AGBL4: variants seen among roughly 807,000 people sequenced by gnomAD.
The protein encoded by AGBL4 is cytosolic carboxypeptidase 6.
Under a neutral mutation model 66.4 loss-of-function variants are expected in AGBL4, and 58 were observed. The observed-to-expected ratio is 0.87, with a 90% CI of 0.71 to 1.09. The LOEUF (loss-of-function observed/expected upper bound fraction) is 1.09, where lower values mean the gene tolerates loss of function less well. Ranked by LOEUF, AGBL4 falls within the 50% of genes least tolerant of loss-of-function variation. AGBL4 has a pLI of 0.00. For synonymous variants in AGBL4, 234 were observed against 222.9 expected (o/e 1.05, Z -0.44); for missense variants, 579 against 631.0 (o/e 0.92, Z 0.88).
At chr1:49,706,510 C>T (rs893436931) in intron 2 of AGBL4, among the ~76,000 whole-genome samples, 1 of 152,072 alleles carries the variant, frequency 6.6e-6, no homozygotes, top group Non-Finnish European at 1.5e-5. Flanking sequence ...CTACTACATT[C>T]ATTGATTTTT....
At chr1:49,177,552 G>T (rs1217259934) in intron 4 of AGBL4, among the ~76,000 whole-genome samples, 1 of 152,160 alleles carries the variant, frequency 6.6e-6, no homozygotes, top group Admixed American at 6.5e-5. Context: ...TATTGAAACA[G>T]TAAACCTGAG....
intron 3 of AGBL4, among the ~76,000 whole-genome samples, chr1:49,549,145 G>A (rs572720002): frequency 1.3e-4 from 19 of 151,758 alleles, no homozygotes; most frequent in South Asian, 1.2e-3. Flanking sequence ...GTAATATCCC[G>A]TTTCTTTTCT....
intron 6 of AGBL4, among the ~76,000 whole-genome samples, chr1:48,767,560 A>T (rs1201170737): frequency 6.6e-6 from 1 of 152,200 alleles, no homozygotes; most frequent in African/African-American, 2.4e-5. Flanking sequence ...ATGAAGGTGA[A>T]TGGTGGTGTG....
rs192103804 is a variant in AGBL4 at position 49,732,827 on chromosome 1, G to T, written c.158-35390C>A. ...TAGTATTTACCCCAAAGAGAGGAGAGAGAATGAAATGGGAAGAAAGGATTT... is the reference window on the plus strand; with the variant it reads ...TAGTATTTACCCCAAAGAGAGGAGATAGAATGAAATGGGAAGAAAGGATTT... On this transcript the variant is annotated intron_variant, in intron 2 of 13. Coordinates refer to ENST00000371839, the MANE Select transcript of AGBL4 (RefSeq NM_032785.4). 8.5e-5 allele frequency among the ~76,000 whole-genome samples: 13 copies of T among 152,190 alleles called. 1 individual carries two copies. The East Asian group carries it at 2.5e-3, about 29-fold the overall frequency.
intron 1 of AGBL4, among the ~76,000 whole-genome samples, chr1:49,958,813 G>A (rs989841987): frequency 6.6e-6 from 1 of 151,644 alleles, no homozygotes; most frequent in Non-Finnish European, 1.5e-5. Context: ...TGCACGTTGT[G>A]CACATGTACC....
At chr1:48,641,978 G>A (rs745363233) in intron 8 of AGBL4, among the ~76,000 whole-genome samples, 7 of 152,082 alleles carry the variant, frequency 4.6e-5, no homozygotes, top group African/African-American at 1.2e-4. Flanking sequence ...GCAAACTGAC[G>A]AAAGGTGCTA....
intron 6 of AGBL4, among the ~76,000 whole-genome samples, chr1:48,704,160 A>G (rs1318674632): frequency 1.3e-5 from 2 of 152,250 alleles, no homozygotes; most frequent in Non-Finnish European, 1.5e-5. Context: ...AAGGCCAAAA[A>G]GTGATCTATC....
intron 3 of AGBL4, among the ~76,000 whole-genome samples, chr1:49,421,362 G>A (rs544333663): frequency 1.3e-5 from 2 of 148,828 alleles, no homozygotes; most frequent in East Asian, 4.2e-4. Flanking sequence ...GTACACAGTT[G>A]TAACAAATGC....
At chr1:48,770,424 T>C (rs1233456839) in intron 6 of AGBL4, among the ~76,000 whole-genome samples, 1 of 152,198 alleles carries the variant, frequency 6.6e-6, no homozygotes, top group Non-Finnish European at 1.5e-5. Context: ...AGTCCATCTG[T>C]TAGACTAGGA....
chr1:48,696,284 T>C (rs1646713095), intron 6 of AGBL4, among the ~76,000 whole-genome samples: 2 of 152,154 alleles, frequency 1.3e-5, no homozygotes, highest in Admixed American at 6.5e-5. Flanking sequence ...CGCACAGATT[T>C]TTCCAAAGCA....
intron 3 of AGBL4, among the ~76,000 whole-genome samples, chr1:49,659,482 A>G (rs1286747882): frequency 6.6e-6 from 1 of 152,232 alleles, no homozygotes; most frequent in African/African-American, 2.4e-5. Context: ...AAAACAGAAA[A>G]AAGCAGAAGT....
At chr1:49,858,131 A>T (rs1646479214) in intron 1 of AGBL4, among the ~76,000 whole-genome samples, 1 of 152,116 alleles carries the variant, frequency 6.6e-6, no homozygotes, top group Non-Finnish European at 1.5e-5. Flanking sequence ...CAACATCACT[A>T]ATCATCAAGG....
chr1:49,158,857 A>T (rs1171969603), intron 4 of AGBL4, among the ~76,000 whole-genome samples: 2 of 151,148 alleles, frequency 1.3e-5, no homozygotes, highest in African/African-American at 4.9e-5. Context: ...GTTGGTTTAA[A>T]GTCTGTTTTA....
intron 6 of AGBL4, among the ~76,000 whole-genome samples, chr1:48,769,765 G>A (rs2148687866): frequency 6.6e-6 from 1 of 152,138 alleles, no homozygotes; most frequent in African/African-American, 2.4e-5. Context: ...ATATTATCCT[G>A]CTAAATAACA....
At chr1:48,993,821 C>T (rs1246630263) in intron 5 of AGBL4, among the ~76,000 whole-genome samples, 1 of 152,260 alleles carries the variant, frequency 6.6e-6, no homozygotes, top group East Asian at 1.9e-4. Context: ...TCACTGCACT[C>T]TCCCTCCCTG....
intron 3 of AGBL4, among the ~76,000 whole-genome samples, chr1:49,283,390 C>A (rs980307238): frequency 1.3e-4 from 20 of 152,128 alleles, no homozygotes; most frequent in Middle Eastern, 3.2e-3. Flanking sequence ...TCATCAAAGA[C>A]CAAAAGTAGA....
intron 3 of AGBL4, among the ~76,000 whole-genome samples, chr1:49,572,135 CA>C (rs35595723): frequency 6.6e-6 from 1 of 151,702 alleles, no homozygotes; most frequent in Admixed American, 6.6e-5. Flanking sequence ...GGAATAATTT[CA>C]AAAAAATGGT....
chr1:49,083,230 C>T (rs570697838), intron 4 of AGBL4, among the ~76,000 whole-genome samples: 11 of 152,196 alleles, frequency 7.2e-5, no homozygotes, highest in Non-Finnish European at 1.6e-4. Flanking sequence ...CTCACAGCTC[C>T]ACTAAGCAGT....
intron 2 of AGBL4, among the ~76,000 whole-genome samples, chr1:49,829,251 C>G (rs1294093745): frequency 6.6e-6 from 1 of 151,974 alleles, no homozygotes; most frequent in East Asian, 1.9e-4. Context: ...GATATGTACT[C>G]AAGATTTATA....
Sources: gnomAD v4.1 joint callset for allele counts (sites outside exome capture counted in the v4.1 genomes callset) on GRCh38, gnomAD v4.1.1 for gene constraint, MANE v1.5 for transcripts, NCBI Gene and HGNC (gene_info 2026-07-23, HGNC 2026-07-21) for gene names.